The following SLC6A6 variants were observed in gnomAD, a reference collection of about 807,000 sequenced individuals.
SLC6A6 encodes the protein solute carrier family 6 member 6.
Under a neutral mutation model 68.8 loss-of-function variants are expected in SLC6A6, and 16 were observed. That is an observed-to-expected ratio of 0.23 (90% CI 0.16 to 0.35). The LOEUF is 0.35. Among genes scored for constraint, SLC6A6 ranks in the 10% least tolerant of loss-of-function variants. The probability of loss-of-function intolerance (pLI) is 1.00; values close to 1 mark genes in which losing one functional copy is unlikely to be tolerated. For missense variants in SLC6A6, 474 were observed against 802.8 expected (o/e 0.59, Z 4.95); for synonymous variants, 312 against 315.4 (o/e 0.99, Z 0.12).
At chr3:14,443,538 T>A in intron 2 of SLC6A6, 86 bp from the exon 3 acceptor site, 2 of 972,900 alleles carry the variant, frequency 2.1e-6, no homozygotes, top group Non-Finnish European at 1.6e-6. Context: ...GGGAGCCGGC[T>A]CGTGGATGAG....
chr3:14,443,267 G>A (rs1156928820), intron 2 of SLC6A6, among the ~76,000 whole-genome samples: 1 of 152,222 alleles, frequency 6.6e-6, no homozygotes, highest in Non-Finnish European at 1.5e-5. Context: ...CTGCCTGGGT[G>A]TGTTGTGTTT....
intron 8 of SLC6A6, 22 bp downstream of exon 8, chr3:14,467,978 C>T (rs1302022699): frequency 6.2e-7 from 1 of 1,608,884 alleles, no homozygotes; most frequent in Non-Finnish European, 8.5e-7. Flanking sequence ...GCCGGCGGGC[C>T]TGGTGGACTT....
At chr3:14,416,289 G>T in intron 1 of SLC6A6, 123 bp from the exon 2 acceptor site, 2 of 396,978 alleles carry the variant, frequency 5.0e-6, no homozygotes, top group Non-Finnish European at 8.9e-6. Flanking sequence ...AAGGGGTTTG[G>T]TCAGCCCCTC....
Position 14,477,164 on chromosome 3 carries a change from A to G in SLC6A6, c.1210-41A>G. On this transcript the variant is annotated intron_variant, in intron 10 of 14. Coordinates refer to ENST00000622186, the MANE Select transcript of SLC6A6 (RefSeq NM_003043.6). This position sits in a 1 kb window ranked among gnomAD's most constrained non-coding sequence, Gnocchi z 4.2. ...CCGAGCAGCAGGCAAGGGTGGCCTG[A>G]GCGTCAGCCGCTCACCAGCTCTCTC... is the stretch of plus-strand genomic sequence containing the variant. 1.3e-6 allele frequency: 2 copies of G among 1,593,996 alleles called. No individual in the cohort carries two copies. The highest frequency in any genetic ancestry group is 1.7e-6 in the Non-Finnish European group (2 of 1,166,116).
chr3:14,466,696 G>T (rs2124979532), intron 7 of SLC6A6, 46 bp downstream of exon 7: 1 of 1,571,010 alleles, frequency 6.4e-7, no homozygotes, highest in East Asian at 2.3e-5. Context: ...ATCCAGGGCT[G>T]GGCCGGCACA....
intron 6 of SLC6A6, among the ~76,000 whole-genome samples, chr3:14,461,811 T>C (rs1283595108): frequency 6.6e-6 from 1 of 152,200 alleles, no homozygotes; most frequent in African/African-American, 2.4e-5. Context: ...AGGGCCTGCC[T>C]AGGATCTCTG....
chr3:14,459,567 G>A (rs764695363), intron 6 of SLC6A6, among the ~76,000 whole-genome samples: 43 of 152,188 alleles, frequency 2.8e-4, no homozygotes, highest in South Asian at 1.4e-3. Flanking sequence ...ACACCTGCCC[G>A]TGCCCACCAG....
chr3:14,481,832 G>A lies in SLC6A6; in HGVS notation c.1713G>A (p.Pro571=), dbSNP rs146077628. The A allele has an allele frequency of 9.2e-5, 148 of 1,613,642 alleles. No individual in the cohort carries two copies. In the East Asian group the frequency reaches 3.0e-3, roughly 32 times the overall value. The part of the protein sequence containing the change: ...IVIRLCQTEG[P]FLVRVKYLLT... Reference sequence around the variant, plus strand: ...TCCGCCTCTGCCAGACTGAGGGGCCGTTCCTTGTGGTAAGTGCTTGGGCCC... The same window carrying A: ...TCCGCCTCTGCCAGACTGAGGGGCCATTCCTTGTGGTAAGTGCTTGGGCCC... The change falls in exon 14 of 15, where the codon CCG becomes CCA. Residue 571 remains proline (P), a synonymous_variant. Coordinates refer to ENST00000622186, the MANE Select transcript of SLC6A6 (RefSeq NM_003043.6). This position sits in a 1 kb window ranked among gnomAD's most constrained non-coding sequence, Gnocchi z 4.7.
At position 14,477,918 on chromosome 3, in the gene SLC6A6, G is replaced by A. The variant is rs2124995178; in HGVS notation, c.1348-548G>A. On this transcript the variant is annotated intron_variant, in intron 11 of 14. Coordinates refer to ENST00000622186, the MANE Select transcript of SLC6A6 (RefSeq NM_003043.6). The surrounding 1 kb of genome is among the most constrained non-coding windows in gnomAD (Gnocchi z 4.2). ...AACGTCTAAGACGTGTCTAGCAAGAGGCAAGCCAGATGAGATAAAGATTGT... is the reference window on the plus strand; with the variant it reads ...AACGTCTAAGACGTGTCTAGCAAGAAGCAAGCCAGATGAGATAAAGATTGT... Among the ~76,000 whole-genome samples the A allele has an allele frequency of 6.6e-6, 1 of 152,276 alleles. No homozygotes were observed. Among genetic ancestry groups the A allele is most frequent in the East Asian group, 1.9e-4 (1 of 5,184 alleles).
intron 5 of SLC6A6, among the ~76,000 whole-genome samples, chr3:14,449,842 C>G (rs1334966035): frequency 6.6e-6 from 1 of 152,114 alleles, no homozygotes; most frequent in African/African-American, 2.4e-5. Context: ...ACCTCCGACT[C>G]CCTGGTTCAA....
At chr3:14,466,484 C>A in intron 6 of SLC6A6, 32 bp from the exon 7 acceptor site, 1 of 1,592,906 alleles carries the variant, frequency 6.3e-7, no homozygotes. Flanking sequence ...AAGTGATGCC[C>A]ATGGCCTCCT....
Position 14,481,735 on chromosome 3 carries a change from C to G in SLC6A6, c.1616C>G (p.Pro539Arg), listed in dbSNP as rs1259512423. The change falls in exon 14 of 15, where the codon CCC (proline) becomes CGC (arginine). Residue 539 changes from proline to arginine, a missense_variant. Coordinates refer to ENST00000622186, the MANE Select transcript of SLC6A6 (RefSeq NM_003043.6). The surrounding 1 kb of genome is among the most constrained non-coding windows in gnomAD (Gnocchi z 4.7). ...ACCTACAACAAAACATACGTGTACC[C>G]CAACTGGGCCATTGGGCTGGGCTGG... ...PLTYNKTYVY[P>R]NWAIGLGWSL... 6.2e-7 allele frequency: 1 copy of G among 1,613,930 alleles called. No individual in the cohort carries two copies. Among genetic ancestry groups the G allele is most frequent in the Non-Finnish European group, 8.5e-7 (1 of 1,179,840 alleles).
chr3:14,425,889 C>A (rs963925279), intron 2 of SLC6A6, among the ~76,000 whole-genome samples: 1 of 152,108 alleles, frequency 6.6e-6, no homozygotes, highest in Non-Finnish European at 1.5e-5. Context: ...CCCTAGCCTG[C>A]GGGGTCAGTA....
intron 1 of SLC6A6, among the ~76,000 whole-genome samples, chr3:14,411,646 A>G (rs1015537502): frequency 6.6e-6 from 1 of 152,204 alleles, no homozygotes; most frequent in African/African-American, 2.4e-5. Context: ...GGTGTGGCAC[A>G]CAGTTGTTGC....
chr3:14,414,579 G>T (rs1390142385), intron 1 of SLC6A6, among the ~76,000 whole-genome samples: 1 of 151,804 alleles, frequency 6.6e-6, no homozygotes, highest in Admixed American at 6.6e-5. Context: ...TGGCTGGACT[G>T]CAGTGGTACG....
intron 1 of SLC6A6, among the ~76,000 whole-genome samples, chr3:14,414,932 C>T (rs781696299): frequency 1.3e-5 from 2 of 152,228 alleles, no homozygotes; most frequent in Non-Finnish European, 2.9e-5. Context: ...CTCTTAACCT[C>T]GTGCTTTAAA....
At position 14,481,627 on chromosome 3, in the gene SLC6A6, C is replaced by T. The variant is rs761871791; in HGVS notation, c.1552-44C>T. On this transcript the variant is annotated intron_variant, in intron 13 of 14. Coordinates refer to ENST00000622186, the MANE Select transcript of SLC6A6 (RefSeq NM_003043.6). This position sits in a 1 kb window ranked among gnomAD's most constrained non-coding sequence, Gnocchi z 4.7. ...CTAGTCCCAGAAGCCCCCCACCCCC[C>T]GATGCCCAGGACCCCTCTCCTGACT... The T allele has an allele frequency of 6.3e-6, 9 of 1,422,420 alleles. No homozygotes were observed. The African/African-American group carries it at 8.5e-5, about 13-fold the overall frequency. 88.1% of individuals were successfully genotyped at this position (1,422,420 alleles called of 1,614,324 possible).
rs1574970048 is a variant in SLC6A6, at chr3:14,481,942, C to G, written c.1722+101C>G. ...ATCTCAGGCAAGTCACCTGCCCTCTCTGAGCCATAGTTCCCTCACCCATCC... is the reference window on the plus strand; with the variant it reads ...ATCTCAGGCAAGTCACCTGCCCTCTGTGAGCCATAGTTCCCTCACCCATCC... On this transcript the variant is annotated intron_variant, in intron 14 of 14. Coordinates refer to ENST00000622186, the MANE Select transcript of SLC6A6 (RefSeq NM_003043.6). The surrounding 1 kb of genome is among the most constrained non-coding windows in gnomAD (Gnocchi z 4.7). The G allele has an allele frequency of 4.2e-6, 4 of 962,492 alleles. No homozygotes were observed. Among genetic ancestry groups the G allele is most frequent in the Non-Finnish European group, 6.3e-6 (4 of 633,154 alleles). 59.6% of individuals were successfully genotyped at this position (962,492 alleles called of 1,614,324 possible). A position where few individuals can be genotyped will look rare whatever the true frequency, so the allele number is the denominator to read the frequency against.
chr3:14,443,989 T>TG, intron 3 of SLC6A6, 126 bp downstream of exon 3: 3 of 667,162 alleles, frequency 4.5e-6, no homozygotes, highest in Non-Finnish European at 8.0e-6. Flanking sequence ...TTGACCTCCA[T>TG]GAGGTCAGCC....
Sources: gnomAD v4.1 joint callset for allele counts (sites outside exome capture counted in the v4.1 genomes callset) on GRCh38, gnomAD v4.1.1 for gene constraint, Gnocchi (gnomAD v3.1) non-coding constraint, MANE v1.5 for transcripts, NCBI Gene and HGNC (gene_info 2026-07-23, HGNC 2026-07-21) for gene names.